Variants in DAB1 observed in about 807,000 individuals in gnomAD.
The protein encoded by DAB1 is DAB adaptor protein 1.
In DAB1, 15 loss-of-function variants were observed where a neutral mutation model predicts 64.6. The ratio of observed to expected loss-of-function variants is 0.23; its 90% CI spans 0.16 to 0.36. The LOEUF is 0.36. Ranked by LOEUF, DAB1 falls within the 10% of genes least tolerant of loss-of-function variation. The probability of loss-of-function intolerance (pLI) is 1.00; values close to 1 mark genes in which losing one functional copy is unlikely to be tolerated. For synonymous variants in DAB1, 235 were observed against 251.9 expected (o/e 0.93, Z 0.64); for missense variants, 596 against 706.7 (o/e 0.84, Z 1.78).
chr1:57,778,104 A>T (rs1239967703), intron 6 of DAB1, among the ~76,000 whole-genome samples: 1 of 151,938 alleles, frequency 6.6e-6, no homozygotes, highest in African/African-American at 2.4e-5. Flanking sequence ...CTTGGCTTAG[A>T]ATTCTCTAGT....
At chr1:57,682,727 C>T (rs1646650429) in intron 6 of DAB1, among the ~76,000 whole-genome samples, 1 of 152,094 alleles carries the variant, frequency 6.6e-6, no homozygotes, top group African/African-American at 2.4e-5. Context: ...GTGTATGTAG[C>T]CCAGGAGCTT....
At chr1:58,220,582 G>T (rs567538600) in intron 4 of DAB1, among the ~76,000 whole-genome samples, 15 of 151,924 alleles carry the variant, frequency 9.9e-5, no homozygotes, top group Non-Finnish European at 1.9e-4. Context: ...TATAGAGCCC[G>T]CCACATAACA....
intron 6 of DAB1, among the ~76,000 whole-genome samples, chr1:57,726,050 G>A (rs1156567435): frequency 5.9e-5 from 9 of 152,150 alleles, no homozygotes; most frequent in Admixed American, 1.3e-4. Context: ...CACCGTGCCC[G>A]GCCTATCTGT....
chr1:57,432,562 T>C (rs1685556189), intron 7 of DAB1, among the ~76,000 whole-genome samples: 1 of 152,182 alleles, frequency 6.6e-6, no homozygotes, highest in Non-Finnish European at 1.5e-5. Context: ...AAAAAGTTTT[T>C]TGAAAATTAA....
intron 5 of DAB1, among the ~76,000 whole-genome samples, chr1:58,103,862 G>A (rs1054406472): frequency 9.2e-5 from 14 of 151,994 alleles, no homozygotes; most frequent in African/African-American, 3.4e-4. Flanking sequence ...TTGTCAAATT[G>A]AGTCCTAGTA....
chr1:57,941,830 G>A (rs1016351113), intron 5 of DAB1, among the ~76,000 whole-genome samples: 10 of 151,802 alleles, frequency 6.6e-5, no homozygotes, highest in African/African-American at 1.9e-4. Flanking sequence ...GTGAGACTCC[G>A]TCTCTTAAAA....
chr1:57,679,061 G>A (rs752758551), intron 6 of DAB1, among the ~76,000 whole-genome samples: 8 of 151,918 alleles, frequency 5.3e-5, no homozygotes, highest in Non-Finnish European at 1.0e-4. Context: ...ATGAACCACC[G>A]CACCTGGCCA....
At chr1:57,509,624 C>A (rs1396510397) in intron 7 of DAB1, among the ~76,000 whole-genome samples, 4 of 152,150 alleles carry the variant, frequency 2.6e-5, no homozygotes, top group African/African-American at 9.7e-5. Context: ...CATTCTGTCA[C>A]CTTTCTGCAC....
chr1:57,936,963 C>T (rs1390579817), intron 5 of DAB1, among the ~76,000 whole-genome samples: 1 of 152,024 alleles, frequency 6.6e-6, no homozygotes, highest in East Asian at 1.9e-4. Context: ...CTTGTTCTCA[C>T]CTCAGGGCCT....
intron 5 of DAB1, among the ~76,000 whole-genome samples, chr1:58,123,375 T>A (rs1570382049): frequency 6.6e-6 from 1 of 152,188 alleles, no homozygotes; most frequent in East Asian, 1.9e-4. Flanking sequence ...TCTGAAAGCA[T>A]CTTTAAATCC....
At chr1:58,115,985 TAA>T (rs142607082) in intron 5 of DAB1, among the ~76,000 whole-genome samples, 39,021 of 135,980 alleles carry the variant, frequency 0.29, 5,515 homozygotes, top group African/African-American at 0.37. Context: ...ACTTAGAGTA[TAA>T]AAAAAAAAAA....
At chr1:58,488,164 A>C (rs1359212109) in intron 3 of DAB1, among the ~76,000 whole-genome samples, 1 of 152,188 alleles carries the variant, frequency 6.6e-6, no homozygotes, top group Non-Finnish European at 1.5e-5. Context: ...ATCATTATAA[A>C]GTTCATTGAT....
intron 6 of DAB1, among the ~76,000 whole-genome samples, chr1:57,698,549 C>T (rs1341581910): frequency 6.6e-6 from 1 of 152,124 alleles, no homozygotes; most frequent in Non-Finnish European, 1.5e-5. Flanking sequence ...AAGAGTATGT[C>T]GTCTGGAGGT....
intron 3 of DAB1, among the ~76,000 whole-genome samples, chr1:58,423,588 G>C (rs550985608): frequency 2.0e-4 from 31 of 152,336 alleles, no homozygotes; most frequent in African/African-American, 7.2e-4. Flanking sequence ...CTCCCAGATG[G>C]ATCAGTCAAT....
chr1:58,361,991 A>G (rs918539834), intron 3 of DAB1, among the ~76,000 whole-genome samples: 1 of 148,818 alleles, frequency 6.7e-6, no homozygotes, highest in African/African-American at 2.5e-5. Context: ...CGGCCTCCCA[A>G]GTAGCTGGGA....
At chr1:58,404,614 C>CT (rs1644599571) in intron 3 of DAB1, among the ~76,000 whole-genome samples, 2 of 152,164 alleles carry the variant, frequency 1.3e-5, no homozygotes, top group African/African-American at 2.4e-5. Context: ...AGCCAACCCC[C>CT]TTTGACCAAG....
At chr1:57,744,318 T>C (rs911490355) in intron 6 of DAB1, among the ~76,000 whole-genome samples, 2 of 152,166 alleles carry the variant, frequency 1.3e-5, no homozygotes, top group African/African-American at 4.8e-5. Flanking sequence ...TGTAGTGTTA[T>C]GTAGTGTTGT....
At chr1:57,032,831 T>TCAATTCTGTATCAAATTG (rs2100431748) in intron 9 of DAB1, among the ~76,000 whole-genome samples, 1 of 152,340 alleles carries the variant, frequency 6.6e-6, no homozygotes, top group Admixed American at 6.5e-5. Context: ...TTTGAACAGA[T>TCAATTCTGTATCAAATTG]GTTGACTGCA....
At chr1:57,531,525 T>C (rs1644663670) in intron 7 of DAB1, among the ~76,000 whole-genome samples, 1 of 152,154 alleles carries the variant, frequency 6.6e-6, no homozygotes, top group African/African-American at 2.4e-5. Flanking sequence ...AAAGAAGCTC[T>C]AGGTGAACAA....
Sources: gnomAD v4.1 joint callset for allele counts (sites outside exome capture counted in the v4.1 genomes callset) on GRCh38, gnomAD v4.1.1 for gene constraint, MANE v1.5 for transcripts, NCBI Gene and HGNC (gene_info 2026-07-23, HGNC 2026-07-21) for gene names.